GABRE: variants seen among roughly 807,000 people sequenced by gnomAD.
GABRE encodes gamma-aminobutyric acid type A receptor subunit epsilon.
Under a neutral mutation model 31.0 loss-of-function variants are expected in GABRE, and 20 were observed. The ratio of observed to expected loss-of-function variants is 0.64; its 90% CI spans 0.45 to 0.94. The LOEUF is 0.94. GABRE is among the 40% of genes least tolerant of loss of function. The pLI is 0.00. For synonymous variants in GABRE, 155 were observed against 150.6 expected (o/e 1.03, Z -0.21); for missense variants, 420 against 410.7 (o/e 1.02, Z -0.20).
At chrX:151,973,158 T>C (rs1934770250) in intron 1 of GABRE, among the ~76,000 whole-genome samples, 1 of 110,401 alleles carries the variant, frequency 9.1e-6, no homozygotes, top group Non-Finnish European at 1.9e-5. Context: ...CAGGGAGAGG[T>C]CTTCTGGTTC....
intron 3 of GABRE, among the ~76,000 whole-genome samples, chrX:151,966,513 C>T (rs1934529766): frequency 8.9e-6 from 1 of 112,235 alleles, no homozygotes; most frequent in African/African-American, 3.2e-5. Context: ...GAAGTCTCAG[C>T]TTCCTCAAAT....
At chrX:151,969,814 T>G in intron 2 of GABRE, 78 bp from the exon 3 acceptor site, 2 of 1,162,225 alleles carry the variant, frequency 1.7e-6, no homozygotes, top group Non-Finnish European at 2.3e-6. Flanking sequence ...TCAGAGGGGA[T>G]GAAAGGGGAG....
At chrX:151,970,895 C>T (rs945963144) in intron 1 of GABRE, among the ~76,000 whole-genome samples, 6 of 110,863 alleles carry the variant, frequency 5.4e-5, no homozygotes, top group African/African-American at 2.0e-4. Context: ...GTGTAATACT[C>T]GTTGCACTGG....
chrX:151,969,584 A>G (rs1461968560), intron 3 of GABRE, 85 bp downstream of exon 3: 2 of 923,260 alleles, frequency 2.2e-6, no homozygotes, highest in Non-Finnish European at 2.9e-6. Flanking sequence ...TTACAGAAGT[A>G]CAGAGCAGAA....
Position 151,974,620 on chromosome X carries a change from C to G in GABRE, c.6G>C (p.Leu2Phe), listed in dbSNP as rs754351815. 8.5e-6 allele frequency: 10 copies of G among 1,176,751 alleles called. No individual in the cohort carries two copies. Among genetic ancestry groups the G allele is most frequent in the South Asian group, 3.8e-5 (2 of 52,787 alleles). Residue 2 changes from leucine (L) to phenylalanine (F), a missense_variant, in exon 1 of 9, where the codon TTG (leucine) becomes TTC (phenylalanine). By Grantham distance (22) the Leu-to-Phe change is conservative. Coordinates refer to ENST00000370328, the MANE Select transcript of GABRE (RefSeq NM_004961.4). ...CTAGGAGGACTGGAAGAACTTTGGA[C>G]AACATTTCCGCGGAGACCGGCGCGA... is the stretch of plus-strand genomic sequence containing the variant. M[L>F]SKVLPVLLGI...
rs1934305955 is a variant in GABRE, at chrX:151,959,909, G to T, written c.714C>A (p.Asn238Lys). 1.2e-5 allele frequency: 14 copies of T among 1,205,872 alleles called. No homozygotes were observed. Among genetic ancestry groups the T allele is most frequent in the Non-Finnish European group, 1.6e-5 (14 of 891,443 alleles). ...AATCAAACTGGAAGAGCTTCCAGGAGTTCTTCTCATTGATTTCAAGCTTGA... is the reference window on the plus strand; with the variant it reads ...AATCAAACTGGAAGAGCTTCCAGGATTTCTTCTCATTGATTTCAAGCTTGA... The part of the protein sequence containing the change: ...ENFKLEINEK[N>K]SWKLFQFDFT... Residue 238 changes from asparagine to lysine, a missense_variant, in exon 6 of 9, where the codon AAC becomes AAA. Asn to Lys is a moderately conservative substitution (Grantham distance 94). Coordinates refer to ENST00000370328, the MANE Select transcript of GABRE (RefSeq NM_004961.4).
Position 151,955,873 on chromosome X carries a change from A to G in GABRE, c.785-13T>C, listed in dbSNP as rs774179071. ...ACCATGAAGTCACCTGAAAGACACA[A>G]AAAACATCACTGCATTACAGTGCTG... On this transcript the variant is annotated splice_polypyrimidine_tract_variant and intron_variant, in intron 6 of 8. Transcript: ENST00000370328. The G allele has an allele frequency of 8.3e-6, 10 of 1,210,307 alleles. No individual in the cohort carries two copies. Among genetic ancestry groups the G allele is most frequent in the Non-Finnish European group, 1.1e-5 (10 of 894,110 alleles).
Position 151,955,003 on chromosome X carries a change from A to G in GABRE, c.1219T>C (p.Cys407Arg). ...CARQHQEAFVCQIVTTEGSDG... is the reference protein window; with the variant it reads ...CARQHQEAFVRQIVTTEGSDG... ...CTTCCCTCAGTGGTGACAATCTGGC[A>G]CACAAAAGCTTCCTGATGTTGGCGG... Residue 407 changes from cysteine to arginine, a missense_variant, in exon 9 of 9, where the codon TGC becomes CGC. Cys to Arg is a radical substitution (Grantham distance 180). Transcript: ENST00000370328. 1.7e-6 allele frequency: 2 copies of G among 1,205,880 alleles called. No individual in the cohort carries two copies. The highest frequency in any genetic ancestry group is 4.6e-4 in the Middle Eastern group (2 of 4,348).
intron 3 of GABRE, among the ~76,000 whole-genome samples, chrX:151,967,148 C>T (rs2124175188): frequency 8.9e-6 from 1 of 111,769 alleles, no homozygotes. Flanking sequence ...CTCCATTTGT[C>T]AGTGTGTGGT....
chrX:151,970,020 G>A, intron 2 of GABRE, 165 bp downstream of exon 2: 1 of 1,095,777 alleles, frequency 9.1e-7, no homozygotes, highest in Non-Finnish European at 1.2e-6. Context: ...CAAGGTCAAT[G>A]ACACTGCTGA....
intron 1 of GABRE, 150 bp from the exon 2 acceptor site, chrX:151,970,552 C>T: frequency 3.2e-6 from 2 of 616,570 alleles, no homozygotes; most frequent in Non-Finnish European, 4.8e-6. Context: ...AAGACAGTGA[C>T]AGATTAGGCT....
At position 151,972,160 on chromosome X, in the gene GABRE, T is replaced by C. The variant is rs1934726322; in HGVS notation, c.57-1758A>G. The C allele has an allele frequency of 1.3e-5, 10 of 751,291 alleles. No individual in the cohort carries two copies. In the South Asian group the frequency reaches 6.2e-4, roughly 46 times the overall value. 61.9% of individuals were successfully genotyped at this position (751,291 alleles called of 1,213,427 possible). On this transcript the variant is annotated intron_variant, in intron 1 of 8. Transcript: ENST00000370328. ...GGGACTGCCAACTTAAGAAGCAAAA[T>C]GCATTTTTTCTGCAGTATTTCAAGC...
At position 151,954,157 on chromosome X, in the gene GABRE, T is replaced by C. The variant is rs1368092325; in HGVS notation, c.*544A>G. On this transcript the variant is annotated 3_prime_UTR_variant, in exon 9 of 9. Coordinates refer to ENST00000370328, the MANE Select transcript of GABRE (RefSeq NM_004961.4). ...GAAAGGGGTAGCAGGGAGAGAGAAC[T>C]GAGAACATAATAATCTGACCAAAGG... The C allele has an allele frequency of 1.8e-5, 2 of 111,887 alleles. No individual in the cohort carries two copies. The highest frequency in any genetic ancestry group is 6.5e-5 in the African/African-American group (2 of 30,676). The allele number at this position is 111,887 out of a possible 1,213,427, so 9.2% of individuals were successfully genotyped here. A position where few individuals can be genotyped will look rare whatever the true frequency, so the allele number is the denominator to read the frequency against.
chrX:151,962,453 T>C lies in GABRE; in HGVS notation c.533A>G (p.Tyr178Cys), dbSNP rs764757774. 1.2e-5 allele frequency: 15 copies of C among 1,208,643 alleles called. No individual in the cohort carries two copies. The highest frequency in any genetic ancestry group is 1.7e-5 in the Non-Finnish European group (15 of 894,611). Residue 178 changes from tyrosine (Y) to cysteine (C), a missense_variant, in exon 4 of 9, where the codon TAC becomes TGC. Tyr to Cys is a radical substitution (Grantham distance 194). Coordinates refer to ENST00000370328, the MANE Select transcript of GABRE (RefSeq NM_004961.4). ...ITMPNQMVRI[Y>C]KDGKVLYTIR... ...TGTGTACAACACCTTGCCATCCTTG[T>C]AGATGCGGACCATCTGGTTGGGCAT... is the stretch of plus-strand genomic sequence containing the variant.
intron 1 of GABRE, chrX:151,972,178 T>C: frequency 1.3e-6 from 1 of 753,951 alleles, no homozygotes; most frequent in Non-Finnish European, 1.6e-6. Context: ...TTCTGCAGTA[T>C]TTCAAGCTGT....
intron 6 of GABRE, 119 bp downstream of exon 6, chrX:151,959,720 A>G (rs776755833): frequency 2.5e-6 from 2 of 794,393 alleles, no homozygotes; most frequent in African/African-American, 4.1e-5. Flanking sequence ...AGCAATTATA[A>G]GACAGGAGCC....
intron 2 of GABRE, 168 bp from the exon 3 acceptor site, chrX:151,969,904 C>T (rs1187479127): frequency 1.3e-5 from 14 of 1,077,899 alleles, no homozygotes; most frequent in East Asian, 3.4e-5. Flanking sequence ...ACCAAGCTCA[C>T]GGACTGTTAA....
intron 1 of GABRE, chrX:151,972,729 CACA>C (rs1934749336): frequency 1.8e-6 from 1 of 560,069 alleles, no homozygotes; most frequent in South Asian, 9.3e-5. Flanking sequence ...AAAAAAAAAA[CACA>C]ACAATAAACA....
rs1396070044 is a variant in GABRE, at chrX:151,962,501, C to T, written c.485G>A (p.Arg162Lys). The T allele has an allele frequency of 8.3e-7, 1 of 1,211,160 alleles. No homozygotes were observed. Among genetic ancestry groups the T allele is most frequent in the Admixed American group, 2.2e-5 (1 of 45,977 alleles). ...IPDTFFRNSK[R>K]THEHEITMPN... ...CATGGTGATCTCATGCTCGTGGGTC[C>T]TCTTAGAATTCCTAAAAAAGGTGTC... Residue 162 changes from arginine (R) to lysine (K), a missense_variant, in exon 4 of 9, where the codon AGG becomes AAG. Transcript: ENST00000370328.
Sources: allele counts gnomAD v4.1 joint callset (sites outside exome capture counted in the v4.1 genomes callset), GRCh38; gene constraint gnomAD v4.1.1; transcripts MANE v1.5; gene names NCBI Gene and HGNC (gene_info 2026-07-23, HGNC 2026-07-21).